The following ENC1 variants were observed in gnomAD, a reference collection of about 807,000 sequenced individuals.
ENC1 encodes ectodermal-neural cortex 1, also known as ectoderm-neural cortex protein 1.
Under a neutral mutation model 40.9 loss-of-function variants are expected in ENC1, and 19 were observed. The observed-to-expected ratio is 0.46, with a 90% CI of 0.32 to 0.68. ENC1 has a LOEUF of 0.68. Ranked by LOEUF, ENC1 falls within the 30% of genes least tolerant of loss-of-function variation. The pLI is 0.03. For synonymous variants in ENC1, 285 were observed against 291.1 expected (o/e 0.98, Z 0.21); for missense variants, 479 against 737.5 (o/e 0.65, Z 4.06).
intron 2 of ENC1, among the ~76,000 whole-genome samples, chr5:74,631,465 G>A (rs1747390957): frequency 6.6e-6 from 1 of 152,132 alleles, no homozygotes; most frequent in Non-Finnish European, 1.5e-5. Context: ...CACCTACCCA[G>A]CACTTTAAGG....
At position 74,634,724 on chromosome 5, in the gene ENC1, G is replaced by C; in HGVS notation, c.1762C>G (p.Pro588Ala). 1 of 1,605,246 alleles carries C rather than the reference G, an allele frequency of 6.2e-7. No individual in the cohort carries two copies. Among genetic ancestry groups the C allele is most frequent in the Non-Finnish European group, 8.5e-7 (1 of 1,172,286 alleles). The change falls in exon 2 of 3, where the codon CCT becomes GCT. Residue 588 changes from proline to alanine, a missense_variant. Coordinates refer to ENST00000302351, the MANE Select transcript of ENC1 (RefSeq NM_003633.4). ...TAFVSTWKHL[P>A]S Reference sequence around the variant, plus strand: ...TTTAGAATGTACTGCATTTAAGAAGGCAGATGTTTCCAGGTGCTGACAAAT... The same window carrying C: ...TTTAGAATGTACTGCATTTAAGAAGCCAGATGTTTCCAGGTGCTGACAAAT...
Position 74,636,187 on chromosome 5 carries a change from A to G in ENC1, c.299T>C (p.Leu100Pro). The change falls in exon 2 of 3, where the codon CTG becomes CCG. Residue 100 changes from leucine (L) to proline (P), a missense_variant. Transcript: ENST00000302351. The surrounding 1 kb of genome is among the most constrained non-coding windows in gnomAD (Gnocchi z 4.8). ...GGAGGAGTACGCATAGTCAAGCAGCAGCTCCAAGACTTCTGGGTGGATGGA... is the reference window on the plus strand; with the variant it reads ...GGAGGAGTACGCATAGTCAAGCAGCGGCTCCAAGACTTCTGGGTGGATGGA... ...DNSIHPEVLELLLDYAYSSRV... is the reference protein window; with the variant it reads ...DNSIHPEVLEPLLDYAYSSRV... 2 of 1,614,172 alleles carry G rather than the reference A, an allele frequency of 1.2e-6. No individual in the cohort carries two copies. The highest frequency in any genetic ancestry group is 1.7e-6 in the Non-Finnish European group (2 of 1,180,034).
Position 74,634,796 on chromosome 5 carries a change from C to A in ENC1, c.1690G>T (p.Val564Leu), listed in dbSNP as rs373908717. The change falls in exon 2 of 3, where the codon GTG becomes TTG. Residue 564 changes from valine to leucine, a missense_variant. Val to Leu is a conservative substitution (Grantham distance 32). Transcript: ENST00000302351. ...GGGACAGTGGTGATGCTGTTCCACACGTCTAATGTTGGATCGTAGCAGTCC... is the reference window on the plus strand; with the variant it reads ...GGGACAGTGGTGATGCTGTTCCACAAGTCTAATGTTGGATCGTAGCAGTCC... ...TLDCYDPTLD[V>L]WNSITTVPYS... The A allele has an allele frequency of 1.2e-6, 2 of 1,613,958 alleles. No individual in the cohort carries two copies. Among genetic ancestry groups the A allele is most frequent in the Non-Finnish European group, 8.5e-7 (1 of 1,179,924 alleles).
chr5:74,633,816 T>C (rs999300460), intron 2 of ENC1, among the ~76,000 whole-genome samples: 4 of 151,384 alleles, frequency 2.6e-5, no homozygotes, highest in African/African-American at 9.8e-5. Context: ...TACTAAGCTC[T>C]GCTAACTCGG....
chr5:74,639,422 A>C (rs1444352638), intron 1 of ENC1, among the ~76,000 whole-genome samples: 2 of 152,248 alleles, frequency 1.3e-5, no homozygotes, highest in South Asian at 2.1e-4. Context: ...ATTACTGTGA[A>C]CATCAAAAGG....
intron 1 of ENC1, chr5:74,639,908 G>A (rs1430500354): frequency 6.6e-6 from 1 of 152,280 alleles, no homozygotes. Flanking sequence ...AGCCGGGGAG[G>A]ATGCAACGTG....
In ENC1 at chr5:74,635,308, A is replaced by G. The variant is rs1250873067; in HGVS notation, c.1178T>C (p.Val393Ala). The G allele has an allele frequency of 4.3e-6, 7 of 1,614,194 alleles. No individual in the cohort carries two copies. Among genetic ancestry groups the G allele is most frequent in the Non-Finnish European group, 5.9e-6 (7 of 1,180,038 alleles). ...SAELKHCLYV[V>A]GGHTAATGCL... ...GCCAGTTGCGGCCGTGTGCCCCCCA[A>G]CCACATACAGGCAGTGCTTCAGTTC... The change falls in exon 2 of 3, where the codon GTT (valine) becomes GCT (alanine). Residue 393 changes from valine (V) to alanine (A), a missense_variant. Transcript: ENST00000302351. The surrounding 1 kb of genome is among the most constrained non-coding windows in gnomAD (Gnocchi z 5.5).
intron 1 of ENC1, among the ~76,000 whole-genome samples, chr5:74,639,713 G>A (rs1747763762): frequency 7.3e-6 from 1 of 136,512 alleles, no homozygotes; most frequent in South Asian, 2.4e-4. Context: ...AACCGCATGT[G>A]GATAAATTCA....
At chr5:74,631,867 C>A (rs915605255) in intron 2 of ENC1, among the ~76,000 whole-genome samples, 1 of 152,192 alleles carries the variant, frequency 6.6e-6, no homozygotes, top group African/African-American at 2.4e-5. Context: ...AAAGAAACCT[C>A]ATTTTCCTAC....
chr5:74,632,804 T>C (rs191650356), intron 2 of ENC1, among the ~76,000 whole-genome samples: 2 of 152,252 alleles, frequency 1.3e-5, no homozygotes, highest in Admixed American at 1.3e-4. Flanking sequence ...CGAGCTGAGA[T>C]AGCACCATTG....
chr5:74,631,060 T>A (rs1449293093), intron 2 of ENC1, among the ~76,000 whole-genome samples: 1 of 151,870 alleles, frequency 6.6e-6, no homozygotes, highest in Non-Finnish European at 1.5e-5. Flanking sequence ...AAAGAATGTA[T>A]CTTATAATAA....
chr5:74,636,449 C>T lies in ENC1; in HGVS notation c.37G>A (p.Ala13Thr), dbSNP rs748302062. The T allele has an allele frequency of 3.7e-6, 6 of 1,612,814 alleles. No individual in the cohort carries two copies. The South Asian group carries it at 6.6e-5, about 18-fold the overall frequency. The change falls in exon 2 of 3, where the codon GCC (alanine) becomes ACC (threonine). Residue 13 changes from alanine (A) to threonine (T), a missense_variant. Ala to Thr is a moderately conservative substitution (Grantham distance 58). Coordinates refer to ENST00000302351, the MANE Select transcript of ENC1 (RefSeq NM_003633.4). This position sits in a 1 kb window ranked among gnomAD's most constrained non-coding sequence, Gnocchi z 4.8. ...VSVHENRKSR[A>T]SSGSINIYLF... is the part of the protein sequence containing the mutation. ...TAGATGTTAATGGAGCCGCTGCTGG[C>T]CCTGGACTTGCGGTTCTCATGCACA... is the stretch of plus-strand genomic sequence containing the variant.
intron 1 of ENC1, among the ~76,000 whole-genome samples, chr5:74,639,191 A>G (rs1253461706): frequency 2.6e-5 from 4 of 152,264 alleles, no homozygotes; most frequent in South Asian, 4.1e-4. Context: ...TGGAAACCCA[A>G]GAGGAAATAC....
chr5:74,635,506 G>T lies in ENC1; in HGVS notation c.980C>A (p.Pro327His). ...TGCACTAAACTCTTTTCTTGGGCTGGGAATGTCAGCCTTGGGAATGATTTC... is the reference window on the plus strand; with the variant it reads ...TGCACTAAACTCTTTTCTTGGGCTGTGAATGTCAGCCTTGGGAATGATTTC... ...AKEIIPKADI[P>H]SPRKEFSACA... Residue 327 changes from proline to histidine, a missense_variant, in exon 2 of 3, where the codon CCC (proline) becomes CAC (histidine). Physicochemically the swap from Pro to His is moderately conservative, Grantham distance 77 (BLOSUM62 -2). Coordinates refer to ENST00000302351, the MANE Select transcript of ENC1 (RefSeq NM_003633.4). The surrounding 1 kb of genome is among the most constrained non-coding windows in gnomAD (Gnocchi z 5.5). The T allele has an allele frequency of 6.2e-7, 1 of 1,614,132 alleles. No homozygotes were observed. Among genetic ancestry groups the T allele is most frequent in the Non-Finnish European group, 8.5e-7 (1 of 1,180,026 alleles).
Position 74,640,460 on chromosome 5 carries a change from C to G in ENC1, c.-167G>C, listed in dbSNP as rs1303830787. 2 of 152,294 alleles carry G rather than the reference C, an allele frequency of 1.3e-5. No homozygotes were observed. Among genetic ancestry groups the G allele is most frequent in the Non-Finnish European group, 2.9e-5 (2 of 68,082 alleles). The allele number at this position is 152,294 out of a possible 1,614,324, so 9.4% of individuals were successfully genotyped here. On this transcript the variant is annotated 5_prime_UTR_variant, in exon 1 of 3. Coordinates refer to ENST00000302351, the MANE Select transcript of ENC1 (RefSeq NM_003633.4). ...GAGAGGACTGCGCCCCGAACGATGG[C>G]TCGCGGACCGGCTACCGATGGCGTT...
At position 74,636,755 on chromosome 5, in the gene ENC1, A is replaced by G. The variant is rs544883715; in HGVS notation, c.-13-257T>C. Among the ~76,000 whole-genome samples, 5 of 152,298 alleles carry G rather than the reference A, an allele frequency of 3.3e-5. No homozygotes were observed. The highest frequency in any genetic ancestry group is 1.2e-4 in the African/African-American group (5 of 41,562). Reference sequence around the variant, plus strand: ...AAAAAAAAAAAAATCACTGCATAAAAAGCAGGTTCATCTTGGAAAACCTGA... The same window carrying G: ...AAAAAAAAAAAAATCACTGCATAAAGAGCAGGTTCATCTTGGAAAACCTGA... On this transcript the variant is annotated intron_variant, in intron 1 of 2. Transcript: ENST00000302351. This position sits in a 1 kb window ranked among gnomAD's most constrained non-coding sequence, Gnocchi z 4.8.
rs1322077780 is a variant in ENC1, at chr5:74,629,590, T to C, written c.*435A>G. ...GCTTTGAATCTCCAGCAGCAGCTGG[T>C]GTGGAGGCTTCAAGCTCTGTCCTCA... is the stretch of plus-strand genomic sequence containing the variant. On this transcript the variant is annotated 3_prime_UTR_variant, in exon 3 of 3. Transcript: ENST00000302351. 1 of 152,390 alleles carries C rather than the reference T, an allele frequency of 6.6e-6. No homozygotes were observed. Among genetic ancestry groups the C allele is most frequent in the East Asian group, 1.9e-4 (1 of 5,180 alleles). The allele number at this position is 152,390 out of a possible 1,614,324, so 9.4% of individuals were successfully genotyped here.
Position 74,628,619 on chromosome 5 carries a change from T to G in ENC1, c.*1406A>C, listed in dbSNP as rs1747282738. On this transcript the variant is annotated 3_prime_UTR_variant, in exon 3 of 3. Transcript: ENST00000302351. ...ATGTGTTACTTGTGCACCAAAGAGTTTTTTAAAAAGAGATTTGCCTACGGG... is the reference window on the plus strand; with the variant it reads ...ATGTGTTACTTGTGCACCAAAGAGTGTTTTAAAAAGAGATTTGCCTACGGG... The G allele has an allele frequency of 6.6e-6, 1 of 152,300 alleles. No homozygotes were observed. 9.4% of individuals were successfully genotyped at this position (152,300 alleles called of 1,614,324 possible). A position where few individuals can be genotyped will look rare whatever the true frequency, so the allele number is the denominator to read the frequency against.
chr5:74,630,313 G>A (rs1747350313), intron 2 of ENC1, among the ~76,000 whole-genome samples: 1 of 152,138 alleles, frequency 6.6e-6, no homozygotes, highest in Non-Finnish European at 1.5e-5. Flanking sequence ...AAACCTATAT[G>A]TCTAGATGCT....
Sources: gnomAD v4.1 joint callset for allele counts (sites outside exome capture counted in the v4.1 genomes callset) on GRCh38, gnomAD v4.1.1 for gene constraint, Gnocchi (gnomAD v3.1) non-coding constraint, MANE v1.5 for transcripts, NCBI Gene and HGNC (gene_info 2026-07-23, HGNC 2026-07-21) for gene names.